The following TARBP1 variants were observed in gnomAD, a reference collection of about 807,000 sequenced individuals.
The protein encoded by TARBP1 is tRNA guanosine 2 -O-methyltransferase TARBP1.
Under a neutral mutation model 178.6 loss-of-function variants are expected in TARBP1, and 144 were observed. The observed-to-expected ratio is 0.81, with a 90% CI of 0.70 to 0.93. TARBP1 has a LOEUF of 0.93. Ranked by LOEUF, TARBP1 falls within the 40% of genes least tolerant of loss-of-function variation. TARBP1 has a pLI of 0.00. For missense variants in TARBP1, 2,067 were observed against 2,011.7 expected, an observed-to-expected ratio of 1.03 and a Z score of -0.53; for synonymous variants, 787 against 781.0, an observed-to-expected ratio of 1.01 and a Z score of -0.13.
chr1:234,462,644 G>A (rs142417402), intron 6 of TARBP1, among the ~76,000 whole-genome samples: 2,408 of 128,274 alleles, frequency 0.019, 66 homozygotes, highest in African/African-American at 0.068. Context: ...AGCTGAGATC[G>A]CACCACTGCA....
At position 234,479,154 on chromosome 1, in the gene TARBP1, G is replaced by A. The variant is rs751677404; in HGVS notation, c.-51C>T. The A allele has an allele frequency of 6.2e-6, 9 of 1,452,280 alleles. No individual in the cohort carries two copies. The East Asian group carries it at 8.5e-5, about 14-fold the overall frequency. The allele number at this position is 1,452,280 out of a possible 1,614,324, so 90.0% of individuals were successfully genotyped here. On this transcript the variant is annotated 5_prime_UTR_variant, in exon 1 of 30. It adds an upstream start codon to the 5' untranslated region. Transcript: ENST00000040877. ...CGGGCTCCCAAAGGAAGGCGCCGGC[G>A]TGTGCGATGCGTGCGCACAGGACCG...
chr1:234,438,970 T>G (rs72763887), intron 12 of TARBP1, among the ~76,000 whole-genome samples: 41,707 of 152,104 alleles, frequency 0.27, 5,991 homozygotes, highest in Admixed American at 0.39. Context: ...TGGAACAGCA[T>G]TTTTAAACTG....
intron 17 of TARBP1, 127 bp downstream of exon 17, chr1:234,429,009 T>C (rs1664097976): frequency 1.2e-6 from 1 of 813,032 alleles, no homozygotes; most frequent in Non-Finnish European, 1.8e-6. Flanking sequence ...TTAAGAAGGT[T>C]CAAAAATATT....
At chr1:234,454,501 G>A (rs889358850) in intron 9 of TARBP1, among the ~76,000 whole-genome samples, 1 of 152,110 alleles carries the variant, frequency 6.6e-6, no homozygotes, top group African/African-American at 2.4e-5. Context: ...AAGAAGACCG[G>A]CCATGAGCAG....
intron 14 of TARBP1, 145 bp from the exon 15 acceptor site, chr1:234,430,446 C>G: frequency 1.5e-6 from 1 of 682,052 alleles, no homozygotes; most frequent in South Asian, 1.9e-5. Context: ...AAAAGGAAAT[C>G]CAGTACACAT....
At chr1:234,459,370 CAATTCTGAT>C (rs1429252745) in intron 7 of TARBP1, 44 bp from the exon 8 acceptor site, 2 of 1,416,078 alleles carry the variant, frequency 1.4e-6, no homozygotes, top group African/African-American at 1.4e-5. Context: ...TTCCCAAAGA[CAATTCTGAT>C]AATTTGTGAT....
intron 13 of TARBP1, among the ~76,000 whole-genome samples, chr1:234,436,648 CTTATT>C (rs1224245411): frequency 6.6e-6 from 1 of 152,154 alleles, no homozygotes; most frequent in Non-Finnish European, 1.5e-5. Context: ...AGAATGCTTT[CTTATT>C]TTATTGGCAA....
chr1:234,421,564 A>G (rs1663096686), intron 20 of TARBP1, among the ~76,000 whole-genome samples: 1 of 152,178 alleles, frequency 6.6e-6, no homozygotes, highest in African/African-American at 2.4e-5. Flanking sequence ...CTACAATCTG[A>G]TGCAAACACC....
chr1:234,470,083 G>A (rs2031915), intron 3 of TARBP1, among the ~76,000 whole-genome samples: 38,101 of 151,862 alleles, frequency 0.25, 6,630 homozygotes, highest in East Asian at 0.83. Context: ...CCTGGCCAAC[G>A]TGGCAAAACC....
chr1:234,462,128 T>C (rs1209430441), intron 6 of TARBP1, among the ~76,000 whole-genome samples: 1 of 152,252 alleles, frequency 6.6e-6, no homozygotes, highest in Non-Finnish European at 1.5e-5. Context: ...GTAAATCCCA[T>C]CTTTTGCCTA....
At chr1:234,431,724 G>T (rs905435494) in intron 14 of TARBP1, among the ~76,000 whole-genome samples, 3 of 152,194 alleles carry the variant, frequency 2.0e-5, no homozygotes, top group African/African-American at 7.2e-5. Flanking sequence ...TGCAGTAAAT[G>T]AGACACAGAG....
At chr1:234,436,099 A>G (rs1665002317) in intron 13 of TARBP1, among the ~76,000 whole-genome samples, 1 of 151,768 alleles carries the variant, frequency 6.6e-6, no homozygotes, top group Non-Finnish European at 1.5e-5. Context: ...ACTTTTTAAA[A>G]TCTTTGCATC....
chr1:234,418,963 A>G (rs535010202), intron 21 of TARBP1, among the ~76,000 whole-genome samples: 40 of 152,222 alleles, frequency 2.6e-4, no homozygotes, highest in East Asian at 2.5e-3. Context: ...ACAAGGTCAG[A>G]AGATCGAGAC....
chr1:234,402,385 C>T (rs953097180), intron 24 of TARBP1, among the ~76,000 whole-genome samples: 4 of 151,980 alleles, frequency 2.6e-5, no homozygotes, highest in African/African-American at 9.7e-5. Context: ...TTCTAATATA[C>T]TATTTTTTGA....
intron 12 of TARBP1, among the ~76,000 whole-genome samples, chr1:234,446,141 T>C (rs1329065541): frequency 2.0e-5 from 3 of 152,208 alleles, no homozygotes; most frequent in Non-Finnish European, 4.4e-5. Flanking sequence ...CTAGAATTTT[T>C]AAACAGGAAA....
At chr1:234,441,634 T>C (rs898088373) in intron 12 of TARBP1, among the ~76,000 whole-genome samples, 1 of 152,196 alleles carries the variant, frequency 6.6e-6, no homozygotes, top group Non-Finnish European at 1.5e-5. Context: ...TATGTGCAAC[T>C]ATCACCACAA....
In TARBP1 at chr1:234,413,612, T is replaced by C. The variant is rs890937470; in HGVS notation, c.3706-3081A>G. Among the ~76,000 whole-genome samples, 48 of 152,062 alleles carry C rather than the reference T, an allele frequency of 3.2e-4. 1 individual carries two copies. The highest frequency in any genetic ancestry group is 3.2e-3 in the Middle Eastern group (1 of 316). On this transcript the variant is annotated intron_variant, in intron 22 of 29. Transcript: ENST00000040877. ...GACTAGAGAGGAAAGAGGCCTAAGA[T>C]CACGCAAGCCTTACGGGATACTCCG...
At chr1:234,434,434 G>C (rs1205961896) in intron 13 of TARBP1, among the ~76,000 whole-genome samples, 3 of 152,174 alleles carry the variant, frequency 2.0e-5, no homozygotes, top group Non-Finnish European at 2.9e-5. Context: ...ATACAGTGCA[G>C]ACAGAAGGTA....
At chr1:234,413,221 C>T (rs1342580175) in intron 22 of TARBP1, among the ~76,000 whole-genome samples, 1 of 152,088 alleles carries the variant, frequency 6.6e-6, no homozygotes, top group African/African-American at 2.4e-5. Flanking sequence ...AGACAACACA[C>T]ACATCACGAA....
Sources: allele counts gnomAD v4.1 joint callset (sites outside exome capture counted in the v4.1 genomes callset), GRCh38; gene constraint gnomAD v4.1.1; transcripts MANE v1.5; gene names NCBI Gene and HGNC (gene_info 2026-07-23, HGNC 2026-07-21).